ENTREP2: variants seen among roughly 807,000 people sequenced by gnomAD.
ENTREP2 encodes endosomal transmembrane epsin interactor 2.
At chr15:29,322,973 C>G in the ENTREP2 span, among the ~76,000 whole-genome samples, 1 of 152,160 alleles carries the variant, frequency 6.6e-6, no homozygotes, top group Non-Finnish European at 1.5e-5. Flanking sequence ...TAGTCAACAT[C>G]TATTGAGTGA....
chr15:29,247,964 C>T, the ENTREP2 span, among the ~76,000 whole-genome samples: 1 of 152,240 alleles, frequency 6.6e-6, no homozygotes, highest in Non-Finnish European at 1.5e-5. Context: ...TCTGAGCCAA[C>T]AGAAGAAGCT....
the ENTREP2 span, among the ~76,000 whole-genome samples, chr15:29,569,131 T>C: frequency 6.6e-6 from 1 of 152,198 alleles, no homozygotes; most frequent in Non-Finnish European, 1.5e-5. Flanking sequence ...GAGAGGGGCA[T>C]TTAAATCATG....
At chr15:29,148,817 GC>G in the ENTREP2 span, among the ~76,000 whole-genome samples, 1 of 151,888 alleles carries the variant, frequency 6.6e-6, no homozygotes, top group African/African-American at 2.4e-5. Flanking sequence ...TTAAAGTGGG[GC>G]TAGAGCTGAA....
At chr15:29,520,751 A>T in the ENTREP2 span, among the ~76,000 whole-genome samples, 1 of 152,356 alleles carries the variant, frequency 6.6e-6, no homozygotes, top group East Asian at 1.9e-4. Flanking sequence ...TACAAGATGC[A>T]ACTGTATTTC....
chr15:29,392,339 A>G, the ENTREP2 span, among the ~76,000 whole-genome samples: 3 of 151,272 alleles, frequency 2.0e-5, no homozygotes, highest in African/African-American at 7.3e-5. Context: ...TGTCATGACA[A>G]AAGTTATGAC....
the ENTREP2 span, among the ~76,000 whole-genome samples, chr15:29,380,481 T>A: frequency 0.09 from 13,624 of 152,222 alleles, 978 homozygotes; most frequent in African/African-American, 0.19. Context: ...GCTGTCTTTT[T>A]CATTATCTAT....
At chr15:29,413,756 TG>T in the ENTREP2 span, among the ~76,000 whole-genome samples, 2 of 151,918 alleles carry the variant, frequency 1.3e-5, no homozygotes, top group African/African-American at 4.8e-5. Flanking sequence ...TTCAATAATC[TG>T]GGTAAGGAGA....
the ENTREP2 span, among the ~76,000 whole-genome samples, chr15:29,294,986 G>C: frequency 6.6e-6 from 1 of 152,184 alleles, no homozygotes; most frequent in Non-Finnish European, 1.5e-5. Context: ...CAAGGATGGA[G>C]GGGGATGTGC....
the ENTREP2 span, among the ~76,000 whole-genome samples, chr15:29,526,801 C>T: frequency 6.6e-6 from 1 of 151,990 alleles, no homozygotes; most frequent in South Asian, 2.1e-4. Flanking sequence ...CATACCTTCC[C>T]ATCTTTCCAG....
At chr15:29,478,307 G>A in the ENTREP2 span, among the ~76,000 whole-genome samples, 1 of 151,938 alleles carries the variant, frequency 6.6e-6, no homozygotes, top group Admixed American at 6.6e-5. Flanking sequence ...GATTATAGGT[G>A]TGAGCCACCG....
At chr15:29,358,780 A>G in the ENTREP2 span, among the ~76,000 whole-genome samples, 1 of 152,160 alleles carries the variant, frequency 6.6e-6, no homozygotes, top group Non-Finnish European at 1.5e-5. Flanking sequence ...AGTGCCGAAG[A>G]AACGTGTAAA....
At chr15:29,576,558 T>C in the ENTREP2 span, among the ~76,000 whole-genome samples, 7 of 152,218 alleles carry the variant, frequency 4.6e-5, no homozygotes, top group Non-Finnish European at 1.0e-4. Flanking sequence ...GAAAGAAATA[T>C]ATGCAAAGCA....
the ENTREP2 span, among the ~76,000 whole-genome samples, chr15:29,257,953 T>G: frequency 6.6e-6 from 1 of 151,952 alleles, no homozygotes; most frequent in African/African-American, 2.4e-5. Flanking sequence ...GGCTCACACC[T>G]GTAATCCCAG....
At chr15:29,184,183 C>T in the ENTREP2 span, among the ~76,000 whole-genome samples, 2 of 152,150 alleles carry the variant, frequency 1.3e-5, no homozygotes, top group Non-Finnish European at 2.9e-5. Flanking sequence ...CGGGGTTTTG[C>T]CATATTGGCC....
chr15:29,521,029 T>C, the ENTREP2 span, among the ~76,000 whole-genome samples: 1 of 152,192 alleles, frequency 6.6e-6, no homozygotes, highest in African/African-American at 2.4e-5. Context: ...ACGGGTGATT[T>C]TGTCACTCCG....
chr15:29,175,033 T>C, the ENTREP2 span, among the ~76,000 whole-genome samples: 1 of 152,202 alleles, frequency 6.6e-6, no homozygotes, highest in South Asian at 2.1e-4. Flanking sequence ...AATCAGTTTC[T>C]CGCTGGGCCT....
chr15:29,373,406 G>A, the ENTREP2 span, among the ~76,000 whole-genome samples: 1 of 152,064 alleles, frequency 6.6e-6, no homozygotes, highest in African/African-American at 2.4e-5. Flanking sequence ...AATGAGATAG[G>A]GGAGCAAAAA....
At chr15:29,663,862 T>TA in the ENTREP2 span, among the ~76,000 whole-genome samples, 10 of 151,620 alleles carry the variant, frequency 6.6e-5, no homozygotes, top group South Asian at 4.2e-4. Flanking sequence ...TAAAGTATAA[T>TA]TAAAAAAAAT....
chr15:29,156,731 G>A, the ENTREP2 span, among the ~76,000 whole-genome samples: 4 of 152,178 alleles, frequency 2.6e-5, no homozygotes, highest in Admixed American at 2.0e-4. Context: ...AGACCGGGAT[G>A]AGGGTGCAGA....
Sources: gnomAD v4.1 joint callset for allele counts (sites outside exome capture counted in the v4.1 genomes callset) on GRCh38, gnomAD v4.1.1 for gene constraint, MANE v1.5 for transcripts, NCBI Gene and HGNC (gene_info 2026-07-23, HGNC 2026-07-21) for gene names.